Variants in COL24A1 observed in about 807,000 individuals in gnomAD.
COL24A1 encodes collagen type XXIV alpha 1 chain, also known as collagen alpha-1(XXIV) chain.
COL24A1 carries 224 observed loss-of-function variants against 253.9 expected under a neutral mutation model. The ratio of observed to expected loss-of-function variants is 0.88; its 90% CI spans 0.79 to 0.99. The LOEUF is 0.99. Ranked by LOEUF, COL24A1 falls within the 50% of genes least tolerant of loss-of-function variation. COL24A1 has a pLI of 0.00. For missense variants in COL24A1, 2,131 were observed against 2,068.5 expected (o/e 1.03, Z -0.59); for synonymous variants, 685 against 673.7 (o/e 1.02, Z -0.26).
intron 7 of COL24A1, among the ~76,000 whole-genome samples, chr1:86,071,584 A>G (rs962935091): frequency 3.9e-5 from 6 of 152,220 alleles, no homozygotes; most frequent in Non-Finnish European, 5.9e-5. Flanking sequence ...ACGAAAAAAG[A>G]GCAAGAATAG....
At chr1:85,931,943 G>T (rs200180124) in intron 24 of COL24A1, among the ~76,000 whole-genome samples, 401 of 14,638 alleles carry the variant, frequency 0.027, 6 homozygotes, top group Middle Eastern at 0.06. Flanking sequence ...ATTCAAGATG[G>T]ATTAAAGATT....
At chr1:86,039,527 AC>A (rs1699298688) in intron 12 of COL24A1, among the ~76,000 whole-genome samples, 1 of 152,088 alleles carries the variant, frequency 6.6e-6, no homozygotes, top group African/African-American at 2.4e-5. Context: ...CAATACAAAA[AC>A]CCTTCTGGAG....
At chr1:85,866,368 T>A (rs1679794865) in intron 37 of COL24A1, among the ~76,000 whole-genome samples, 1 of 152,238 alleles carries the variant, frequency 6.6e-6, no homozygotes, top group Admixed American at 6.5e-5. Flanking sequence ...TTTTCTAAGT[T>A]TTTTCCCAGT....
intron 19 of COL24A1, 89 bp downstream of exon 19, chr1:86,017,062 A>T: frequency 8.3e-7 from 1 of 1,199,438 alleles, no homozygotes; most frequent in East Asian, 2.6e-5. Context: ...GATCTTTCTT[A>T]AGCTTGCTAT....
intron 43 of COL24A1, among the ~76,000 whole-genome samples, chr1:85,831,016 C>T (rs536967793): frequency 4.6e-5 from 7 of 152,146 alleles, no homozygotes; most frequent in South Asian, 2.1e-4. Flanking sequence ...CAAATGTTTA[C>T]GGTTTAAGTT....
At chr1:85,745,379 T>G in intron 56 of COL24A1, 62 bp downstream of exon 56, 1 of 1,246,652 alleles carries the variant, frequency 8.0e-7, no homozygotes, top group Non-Finnish European at 1.1e-6. Flanking sequence ...CTCCAAAAAT[T>G]TTCTCTGTTT....
intron 2 of COL24A1, among the ~76,000 whole-genome samples, chr1:86,130,883 A>G (rs986763041): frequency 6.6e-6 from 1 of 151,898 alleles, no homozygotes; most frequent in African/African-American, 2.4e-5. Flanking sequence ...ATAGAGCCAG[A>G]CTTTTGTAGT....
In COL24A1 at chr1:85,906,264, C is replaced by CTTTTTTT. The variant is rs10526604; in HGVS notation, c.2778+923_2778+929dup. Reference sequence around the variant, plus strand: ...TTTGCCAACTGGAAAACTGCAAGGTCTTTTTTTTTTTTTACCATGGTTAGG... The same window carrying CTTTTTTT: ...TTTGCCAACTGGAAAACTGCAAGGTCTTTTTTTTTTTTTTTTTTTTACCATGGTTAGG... On this transcript the variant is annotated intron_variant, in intron 28 of 59. Coordinates refer to ENST00000370571, the MANE Select transcript of COL24A1 (RefSeq NM_152890.7). Among the ~76,000 whole-genome samples the CTTTTTTT allele has an allele frequency of 1.4e-4, 11 of 77,842 alleles. 2 individuals carry two copies. In the South Asian group the frequency reaches 1.5e-3, roughly 11 times the overall value. 51.1% of individuals were successfully genotyped at this position (77,842 alleles called of 152,430 possible). A position where few individuals can be genotyped will look rare whatever the true frequency, so the allele number is the denominator to read the frequency against.
chr1:86,050,162 G>T lies in COL24A1; in HGVS notation c.1867C>A (p.Pro623Thr). ...PKGAQGFIGSPGEAGQLGPEG... is the reference protein window; with the variant it reads ...PKGAQGFIGSTGEAGQLGPEG... ...GGTCCCAGTTGTCCCGCTTCTCCAG[G>T]AGAGCCAATAAAACCCTTAAAACAA... Residue 623 changes from proline to threonine, a missense_variant, in exon 11 of 60, where the codon CCT becomes ACT. By Grantham distance (38) the Pro-to-Thr change is conservative (BLOSUM62 -1). Coordinates refer to ENST00000370571, the MANE Select transcript of COL24A1 (RefSeq NM_152890.7). 1 of 1,613,296 alleles carries T rather than the reference G, an allele frequency of 6.2e-7. No homozygotes were observed. The highest frequency in any genetic ancestry group is 8.5e-7 in the Non-Finnish European group (1 of 1,179,442).
At chr1:85,970,334 CTT>C in intron 21 of COL24A1, 63 bp from the exon 22 acceptor site, 1 of 1,352,692 alleles carries the variant, frequency 7.4e-7, no homozygotes, top group Non-Finnish European at 1.0e-6. Context: ...AATGTAAACT[CTT>C]ATTTTCTCTA....
intron 43 of COL24A1, among the ~76,000 whole-genome samples, chr1:85,825,228 C>T (rs1213924315): frequency 6.6e-6 from 1 of 151,998 alleles, no homozygotes; most frequent in African/African-American, 2.4e-5. Context: ...CCAATTTCAT[C>T]CATGTCCCTA....
chr1:85,927,449 T>A (rs1172623471), intron 24 of COL24A1, among the ~76,000 whole-genome samples: 2 of 132,172 alleles, frequency 1.5e-5, no homozygotes, highest in African/African-American at 5.6e-5. Context: ...GGAATCTCAC[T>A]GATTGCTAGC....
intron 24 of COL24A1, among the ~76,000 whole-genome samples, chr1:85,946,860 T>A (rs1389319850): frequency 6.6e-6 from 1 of 152,222 alleles, no homozygotes; most frequent in Non-Finnish European, 1.5e-5. Context: ...ACTACTATTC[T>A]GTTGAAATTC....
intron 24 of COL24A1, among the ~76,000 whole-genome samples, chr1:85,945,010 T>TTTTTTTTTTTTTG (rs1689149367): frequency 1.4e-5 from 1 of 71,798 alleles, no homozygotes; most frequent in Non-Finnish European, 2.7e-5. Flanking sequence ...GTGTTTTTTT[T>TTTTTTTTTTTTTG]TTTTTTTTTT....
intron 3 of COL24A1, among the ~76,000 whole-genome samples, chr1:86,124,070 T>G (rs1011487721): frequency 6.6e-6 from 1 of 152,058 alleles, no homozygotes; most frequent in African/African-American, 2.4e-5. Context: ...ACACTGTGAT[T>G]TTAAATGACT....
At chr1:85,856,216 T>C (rs1678425270) in intron 37 of COL24A1, among the ~76,000 whole-genome samples, 1 of 152,204 alleles carries the variant, frequency 6.6e-6, no homozygotes. Context: ...AGCTTTGATT[T>C]TGGTTATTTC....
intron 23 of COL24A1, among the ~76,000 whole-genome samples, chr1:85,963,633 T>A (rs1571389163): frequency 6.6e-6 from 1 of 152,250 alleles, no homozygotes; most frequent in South Asian, 2.1e-4. Context: ...CCCCAGGCAG[T>A]GCCAGGTCCG....
intron 24 of COL24A1, among the ~76,000 whole-genome samples, chr1:85,953,223 G>GA (rs1558782475): frequency 6.6e-6 from 1 of 152,134 alleles, no homozygotes. Context: ...GAAGTCCCTT[G>GA]ACAGCCTCTT....
intron 18 of COL24A1, among the ~76,000 whole-genome samples, chr1:86,020,420 G>T (rs1160449015): frequency 1.3e-5 from 2 of 152,082 alleles, no homozygotes; most frequent in Non-Finnish European, 2.9e-5. Flanking sequence ...AATACCCAAG[G>T]TGATAGCCAG....
Sources: gnomAD v4.1 joint callset for allele counts (sites outside exome capture counted in the v4.1 genomes callset) on GRCh38, gnomAD v4.1.1 for gene constraint, MANE v1.5 for transcripts, NCBI Gene and HGNC (gene_info 2026-07-23, HGNC 2026-07-21) for gene names.